DTNB: variants seen among roughly 807,000 people sequenced by gnomAD.
DTNB encodes DTN-B.
DTNB carries 63 observed loss-of-function variants against 90.7 expected under a neutral mutation model. The ratio of observed to expected loss-of-function variants is 0.69; its 90% CI spans 0.57 to 0.86. DTNB has a LOEUF of 0.86. Ranked by LOEUF, DTNB falls within the 40% of genes least tolerant of loss-of-function variation. DTNB has a pLI of 0.00. For missense variants in DTNB, 744 were observed against 807.1 expected, an observed-to-expected ratio of 0.92 and a Z score of 0.95; for synonymous variants, 277 against 286.7, an observed-to-expected ratio of 0.97 and a Z score of 0.34.
At chr2:25,543,223 T>A (rs2081663768) in intron 8 of DTNB, among the ~76,000 whole-genome samples, 1 of 152,194 alleles carries the variant, frequency 6.6e-6, no homozygotes, top group African/African-American at 2.4e-5. Context: ...TATGTCTTTT[T>A]TATTCTTAAC....
At chr2:25,378,355 G>A (rs1450473165) in intron 20 of DTNB, among the ~76,000 whole-genome samples, 1 of 152,202 alleles carries the variant, frequency 6.6e-6, no homozygotes, top group Non-Finnish European at 1.5e-5. Flanking sequence ...CCTCTCCTCA[G>A]CTCGCACAAT....
rs543610086 is a variant in DTNB, at chr2:25,633,400, G to A, written c.149-5016C>T. Among the ~76,000 whole-genome samples, 1,065 of 152,238 alleles carry A rather than the reference G, an allele frequency of 7.0e-3. 15 individuals are homozygous for A. The highest frequency in any genetic ancestry group is 0.024 in the African/African-American group (1,017 of 41,524). On this transcript the variant is annotated intron_variant, in intron 3 of 20. Coordinates refer to ENST00000406818, the MANE Select transcript of DTNB (RefSeq NM_021907.5). Reference sequence around the variant, plus strand: ...GGGCTGGTCTCCAGCTCCTAACCGCGAGTGATCCGCCAGCCTCGGCCTCTC... The same window carrying A: ...GGGCTGGTCTCCAGCTCCTAACCGCAAGTGATCCGCCAGCCTCGGCCTCTC...
At chr2:25,485,321 C>T (rs1211528148) in intron 9 of DTNB, among the ~76,000 whole-genome samples, 1 of 152,054 alleles carries the variant, frequency 6.6e-6, no homozygotes, top group East Asian at 1.9e-4. Context: ...TGCTATATTT[C>T]AATATTAAAG....
chr2:25,439,012 G>C (rs919100250), intron 12 of DTNB, among the ~76,000 whole-genome samples: 3 of 152,194 alleles, frequency 2.0e-5, no homozygotes, highest in Non-Finnish European at 4.4e-5. Context: ...AACAAGGAAA[G>C]TCAGAGAAAC....
At chr2:25,378,435 C>T (rs1044840350) in intron 20 of DTNB, among the ~76,000 whole-genome samples, 1 of 152,116 alleles carries the variant, frequency 6.6e-6, no homozygotes, top group African/African-American at 2.4e-5. Context: ...TGGCCTGGCG[C>T]GGTTGGGCAG....
At chr2:25,514,419 G>A (rs2074577611) in intron 9 of DTNB, among the ~76,000 whole-genome samples, 1 of 152,060 alleles carries the variant, frequency 6.6e-6, no homozygotes, top group Non-Finnish European at 1.5e-5. Context: ...GATTTTATGG[G>A]GCCTTGTAGA....
intron 8 of DTNB, among the ~76,000 whole-genome samples, chr2:25,546,313 C>T (rs540628530): frequency 2.6e-5 from 4 of 152,212 alleles, no homozygotes; most frequent in Non-Finnish European, 4.4e-5. Context: ...GTGCCAAAGG[C>T]TGCATCTCCC....
At chr2:25,627,898 G>A (rs565639680) in intron 4 of DTNB, among the ~76,000 whole-genome samples, 2 of 151,930 alleles carry the variant, frequency 1.3e-5, no homozygotes, top group South Asian at 2.1e-4. Context: ...CACCACGCCC[G>A]GCTAATTTTT....
At chr2:25,631,432 G>GC (rs2075727601) in intron 3 of DTNB, among the ~76,000 whole-genome samples, 2 of 151,748 alleles carry the variant, frequency 1.3e-5, no homozygotes. Flanking sequence ...AATTAGCTAG[G>GC]CATAGTGACA....
rs1173866598 is a variant in DTNB, at chr2:25,424,138, A to C, written c.1554+3397T>G. On this transcript the variant is annotated intron_variant, in intron 15 of 20. Coordinates refer to ENST00000406818, the MANE Select transcript of DTNB (RefSeq NM_021907.5). This position sits in a 1 kb window ranked among gnomAD's most constrained non-coding sequence, Gnocchi z 4.1. ...TTTTAGGAAGCTGGACACTAAAGGC[A>C]TGAGATTTTCGACTGTGAATTCTAG... Among the ~76,000 whole-genome samples, 1 of 152,198 alleles carries C rather than the reference A, an allele frequency of 6.6e-6. No individual in the cohort carries two copies. The highest frequency in any genetic ancestry group is 1.5e-5 in the Non-Finnish European group (1 of 68,036).
At chr2:25,444,855 G>A (rs1478332385) in intron 12 of DTNB, among the ~76,000 whole-genome samples, 1 of 152,186 alleles carries the variant, frequency 6.6e-6, no homozygotes, top group South Asian at 2.1e-4. Flanking sequence ...GAGATTAGAG[G>A]ATTAGGAGTT....
intron 8 of DTNB, 50 bp from the exon 9 acceptor site, chr2:25,531,647 AGG>A: frequency 6.4e-7 from 1 of 1,563,312 alleles, no homozygotes. Context: ...AAAGAATGAA[AGG>A]AACTTCAAAA....
chr2:25,658,738 A>G (rs926934542), intron 1 of DTNB, among the ~76,000 whole-genome samples: 1 of 152,204 alleles, frequency 6.6e-6, no homozygotes, highest in Non-Finnish European at 1.5e-5. Flanking sequence ...CAGGAAAATG[A>G]TCAGTGGTTG....
chr2:25,419,247 G>C (rs1040427677), intron 16 of DTNB: 14 of 555,690 alleles, frequency 2.5e-5, no homozygotes, highest in African/African-American at 2.1e-4. Flanking sequence ...AAATGCAATG[G>C]TAGCCTGGCT....
intron 5 of DTNB, among the ~76,000 whole-genome samples, chr2:25,604,061 T>G (rs2066497877): frequency 6.6e-6 from 1 of 152,170 alleles, no homozygotes; most frequent in Non-Finnish European, 1.5e-5. Flanking sequence ...GGTTATTACT[T>G]CTCTGTCCGT....
At position 25,387,282 on chromosome 2, in the gene DTNB, G is replaced by A. The variant is rs1558297589; in HGVS notation, c.1825+7C>T. ...CCAGGAAGCTGGCTGGGAGCTCTGG[G>A]TTTCACCTGAATGGAGCTCCTTCAC... On this transcript the variant is annotated splice_region_variant and intron_variant, in intron 18 of 20. Transcript: ENST00000406818. The surrounding 1 kb of genome is among the most constrained non-coding windows in gnomAD (Gnocchi z 4.5). The A allele has an allele frequency of 6.2e-7, 1 of 1,607,940 alleles. No homozygotes were observed. Among genetic ancestry groups the A allele is most frequent in the Non-Finnish European group, 8.5e-7 (1 of 1,176,854 alleles).
At chr2:25,612,879 A>G (rs1354634272) in intron 4 of DTNB, among the ~76,000 whole-genome samples, 1 of 152,336 alleles carries the variant, frequency 6.6e-6, no homozygotes, top group African/African-American at 2.4e-5. Flanking sequence ...CAAGAGAAAC[A>G]GATAAACTGA....
chr2:25,631,210 T>C (rs2075666505), intron 3 of DTNB, among the ~76,000 whole-genome samples: 1 of 152,188 alleles, frequency 6.6e-6, no homozygotes, highest in African/African-American at 2.4e-5. Flanking sequence ...TTATAGTATA[T>C]GAATTTTATG....
At position 25,509,501 on chromosome 2, in the gene DTNB, T is replaced by C. The variant is rs1255011766; in HGVS notation, c.1001+21972A>G. ...ATTCATCTGCAAATGTTTTTGTCTT[T>C]GCCTTTCTTGACAGGTATTTTCTCA... On this transcript the variant is annotated intron_variant, in intron 9 of 20. Coordinates refer to ENST00000406818, the MANE Select transcript of DTNB (RefSeq NM_021907.5). Among the ~76,000 whole-genome samples, 3 of 151,026 alleles carry C rather than the reference T, an allele frequency of 2.0e-5. No homozygotes were observed. The East Asian group carries it at 5.8e-4, about 29-fold the overall frequency.
Sources: allele counts gnomAD v4.1 joint callset (sites outside exome capture counted in the v4.1 genomes callset), GRCh38; gene constraint gnomAD v4.1.1; non-coding constraint Gnocchi (gnomAD v3.1); transcripts MANE v1.5; gene names NCBI Gene and HGNC (gene_info 2026-07-23, HGNC 2026-07-21).